Variants in CAMK1D observed in about 807,000 individuals in gnomAD.
CAMK1D encodes the protein calcium/calmodulin-dependent protein kinase type 1D.
A neutral mutation model predicts 47.7 loss-of-function variants in CAMK1D; 9 were observed. The ratio of observed to expected loss-of-function variants is 0.19; its 90% CI spans 0.11 to 0.33. CAMK1D has a LOEUF of 0.33. CAMK1D is among the 10% of genes least tolerant of loss of function. The probability of loss-of-function intolerance (pLI) is 1.00; values close to 1 mark genes in which losing one functional copy is unlikely to be tolerated. For missense variants in CAMK1D, 291 were observed against 488.7 expected (o/e 0.60, Z 3.81); for synonymous variants, 184 against 184.9 (o/e 0.99, Z 0.04).
chr10:12,729,012 T>C (rs761912523), intron 3 of CAMK1D, among the ~76,000 whole-genome samples: 7 of 152,200 alleles, frequency 4.6e-5, no homozygotes, highest in Non-Finnish European at 1.0e-4. Flanking sequence ...CTGCAATGCA[T>C]GAAAAAACTG....
intron 1 of CAMK1D, among the ~76,000 whole-genome samples, chr10:12,529,045 C>T (rs1017624445): frequency 1.3e-5 from 2 of 152,008 alleles, no homozygotes; most frequent in Non-Finnish European, 2.9e-5. Flanking sequence ...ACCTTGTTGC[C>T]CAGGCTGGTC....
intron 1 of CAMK1D, among the ~76,000 whole-genome samples, chr10:12,515,863 G>A (rs1330386276): frequency 1.3e-5 from 2 of 151,616 alleles, no homozygotes; most frequent in Non-Finnish European, 2.9e-5. Context: ...CCCCTGCCTC[G>A]GCCTCCCAAA....
At chr10:12,385,739 CTTTTTTTT>C (rs71384318) in intron 1 of CAMK1D, among the ~76,000 whole-genome samples, 5 of 100,546 alleles carry the variant, frequency 5.0e-5, no homozygotes, top group Admixed American at 1.2e-4. Context: ...TTGAATTGTA[CTTTTTTTT>C]TTTTTTTTTT....
At chr10:12,376,400 G>A (rs1046074505) in intron 1 of CAMK1D, among the ~76,000 whole-genome samples, 15 of 152,070 alleles carry the variant, frequency 9.9e-5, no homozygotes, top group African/African-American at 2.9e-4. Context: ...AGAAGCTTCC[G>A]GAAGGCTGTG....
intron 3 of CAMK1D, among the ~76,000 whole-genome samples, chr10:12,675,743 CAA>C (rs1840785161): frequency 6.6e-6 from 1 of 152,148 alleles, no homozygotes; most frequent in South Asian, 2.1e-4. Flanking sequence ...GAGTCAAAGA[CAA>C]AGTCATTATG....
chr10:12,516,833 G>A (rs1235909461), intron 1 of CAMK1D, among the ~76,000 whole-genome samples: 1 of 152,124 alleles, frequency 6.6e-6, no homozygotes, highest in African/African-American at 2.4e-5. Context: ...TAAAAACCAC[G>A]TTGTTTTTCT....
intron 6 of CAMK1D, among the ~76,000 whole-genome samples, chr10:12,812,924 G>A (rs772404527): frequency 1.3e-5 from 2 of 152,154 alleles, no homozygotes; most frequent in South Asian, 2.1e-4. Flanking sequence ...CCAGCCCCTC[G>A]TGTTTTCAGG....
intron 6 of CAMK1D, among the ~76,000 whole-genome samples, chr10:12,807,715 G>A (rs970306896): frequency 1.3e-5 from 2 of 152,274 alleles, no homozygotes; most frequent in Non-Finnish European, 1.5e-5. Context: ...GGGGACCTTT[G>A]AGGCATCCTG....
chr10:12,540,480 G>A (rs780816001), intron 1 of CAMK1D, among the ~76,000 whole-genome samples: 13 of 152,172 alleles, frequency 8.5e-5, no homozygotes, highest in Admixed American at 2.6e-4. Context: ...TGTCTTCTGC[G>A]TTTGGATCAG....
At chr10:12,622,385 G>T (rs1008176394) in intron 2 of CAMK1D, among the ~76,000 whole-genome samples, 1 of 152,078 alleles carries the variant, frequency 6.6e-6, no homozygotes, top group East Asian at 1.9e-4. Context: ...TTTCTGGATT[G>T]TTACCTTTTC....
intron 1 of CAMK1D, among the ~76,000 whole-genome samples, chr10:12,357,008 C>T (rs374376355): frequency 1.3e-5 from 2 of 152,084 alleles, no homozygotes; most frequent in African/African-American, 4.8e-5. Flanking sequence ...TCTCTTTAAT[C>T]TTTCCTTTCC....
At chr10:12,532,736 A>G (rs896873729) in intron 1 of CAMK1D, among the ~76,000 whole-genome samples, 3 of 152,240 alleles carry the variant, frequency 2.0e-5, no homozygotes, top group African/African-American at 7.2e-5. Flanking sequence ...CCTGGTACCT[A>G]TACACAATGG....
At position 12,832,022 on chromosome 10, in the gene CAMK1D, C is replaced by T. The variant is rs60748106; in HGVS notation, c.*3135C>T. The stretch of plus-strand genomic sequence containing the variant: ...GTGCTGGGCTGAGGCTAAGGGTGGA[C>T]GCGTAGACCCCATCACAGGCTTCCT... On this transcript the variant is annotated 3_prime_UTR_variant, in exon 11 of 11. Coordinates refer to ENST00000619168, the MANE Select transcript of CAMK1D (RefSeq NM_153498.4). The T allele has an allele frequency of 0.032, 4,848 of 152,252 alleles. 237 individuals are homozygous for T. The highest frequency in any genetic ancestry group is 0.11 in the African/African-American group (4,602 of 41,470). The allele number at this position is 152,252 out of a possible 1,614,324, so 9.4% of individuals were successfully genotyped here. A position where few individuals can be genotyped will look rare whatever the true frequency, so the allele number is the denominator to read the frequency against.
chr10:12,701,237 C>G (rs374236264), intron 3 of CAMK1D, among the ~76,000 whole-genome samples: 1 of 152,008 alleles, frequency 6.6e-6, no homozygotes, highest in Non-Finnish European at 1.5e-5. Flanking sequence ...CTCAGTCTCC[C>G]GAGTAGCTGG....
At chr10:12,715,594 C>T (rs552535487) in intron 3 of CAMK1D, among the ~76,000 whole-genome samples, 1 of 151,584 alleles carries the variant, frequency 6.6e-6, no homozygotes, top group South Asian at 2.1e-4. Context: ...GTGATGTCAC[C>T]TTTTATGTTA....
intron 3 of CAMK1D, among the ~76,000 whole-genome samples, chr10:12,694,241 T>TAATATATATTATAAATAATATAA (rs1554811676): frequency 1.2e-4 from 2 of 17,208 alleles, no homozygotes; most frequent in Admixed American, 1.4e-3. Flanking sequence ...GTATAATATA[T>TAATATATATTATAAATAATATAA]AATATATATT....
chr10:12,771,511 T>C (rs543437924), intron 5 of CAMK1D, among the ~76,000 whole-genome samples: 9 of 152,314 alleles, frequency 5.9e-5, no homozygotes, highest in African/African-American at 2.2e-4. Context: ...GTCATAGCTG[T>C]TCATTTTCAG....
chr10:12,645,211 C>G (rs1002598146), intron 2 of CAMK1D, among the ~76,000 whole-genome samples: 1 of 152,100 alleles, frequency 6.6e-6, no homozygotes. Flanking sequence ...CATTTATCCC[C>G]TACTATTTTT....
chr10:12,701,067 A>G (rs1044092204), intron 3 of CAMK1D, among the ~76,000 whole-genome samples: 4 of 152,116 alleles, frequency 2.6e-5, no homozygotes, highest in Admixed American at 1.3e-4. Context: ...CTGCTATTTA[A>G]AAGTGCATAT....
Sources: allele counts gnomAD v4.1 joint callset (sites outside exome capture counted in the v4.1 genomes callset), GRCh38; gene constraint gnomAD v4.1.1; transcripts MANE v1.5; gene names NCBI Gene and HGNC (gene_info 2026-07-23, HGNC 2026-07-21).